The following ATP8A2 variants were observed in gnomAD, a reference collection of about 807,000 sequenced individuals.
ATP8A2 encodes the protein phospholipid-transporting ATPase IB.
In ATP8A2, 100 loss-of-function variants were observed where a neutral mutation model predicts 165.6. The observed-to-expected ratio is 0.60, with a 90% confidence interval of 0.51 to 0.71. The LOEUF (loss-of-function observed/expected upper bound fraction) is 0.71. ATP8A2 is among the 30% of genes least tolerant of loss of function. The pLI is 0.00. For synonymous variants in ATP8A2, 543 were observed against 548.8 expected (o/e 0.99, Z 0.15); for missense variants, 1,227 against 1,479.5 (o/e 0.83, Z 2.80).
chr13:25,791,542 T>TACACACACACACACACACACACACACAC (rs55661899), intron 27 of ATP8A2, among the ~76,000 whole-genome samples: 1 of 142,982 alleles, frequency 7.0e-6, no homozygotes, highest in African/African-American at 2.6e-5. Context: ...CACACACACA[T>TACACACACACACACACACACACACACAC]ACACACACAC....
At chr13:25,873,596 T>C (rs1432781333) in intron 33 of ATP8A2, among the ~76,000 whole-genome samples, 1 of 152,300 alleles carries the variant, frequency 6.6e-6, no homozygotes, top group East Asian at 1.9e-4. Flanking sequence ...TCCCCTCTTA[T>C]TATGATGAAT....
chr13:25,548,906 C>T (rs2038733942), intron 10 of ATP8A2, among the ~76,000 whole-genome samples: 1 of 152,208 alleles, frequency 6.6e-6, no homozygotes, highest in Non-Finnish European at 1.5e-5. Flanking sequence ...ATAACAATTT[C>T]AGTGATGTGG....
chr13:25,507,455 AG>A (rs2037085945), intron 2 of ATP8A2, among the ~76,000 whole-genome samples: 2 of 151,714 alleles, frequency 1.3e-5, no homozygotes, highest in South Asian at 4.2e-4. Flanking sequence ...TAGTAGAGAG[AG>A]GGTTTCACCA....
intron 25 of ATP8A2, among the ~76,000 whole-genome samples, chr13:25,766,726 C>T (rs772715052): frequency 6.6e-6 from 1 of 152,220 alleles, no homozygotes; most frequent in African/African-American, 2.4e-5. Flanking sequence ...AAAAAAATTT[C>T]TGCTGCAGCA....
At chr13:26,004,164 AT>A (rs1326051376) in intron 35 of ATP8A2, among the ~76,000 whole-genome samples, 1 of 151,990 alleles carries the variant, frequency 6.6e-6, no homozygotes, top group African/African-American at 2.4e-5. Context: ...ATAGCATCCC[AT>A]TTACTTGTAT....
intron 24 of ATP8A2, among the ~76,000 whole-genome samples, chr13:25,682,145 T>G (rs1162383504): frequency 6.6e-6 from 1 of 152,184 alleles, no homozygotes; most frequent in Non-Finnish European, 1.5e-5. Context: ...TCTCTGTAAT[T>G]CAGACTCTTT....
intron 25 of ATP8A2, among the ~76,000 whole-genome samples, chr13:25,730,204 T>A (rs2043589995): frequency 6.6e-6 from 1 of 152,066 alleles, no homozygotes; most frequent in Non-Finnish European, 1.5e-5. Flanking sequence ...GTTGGGAGGA[T>A]TGCCTGAACT....
At chr13:25,717,329 G>A (rs1256764711) in intron 25 of ATP8A2, among the ~76,000 whole-genome samples, 2 of 150,978 alleles carry the variant, frequency 1.3e-5, no homozygotes, top group African/African-American at 4.9e-5. Flanking sequence ...TGGGATTTTG[G>A]TAGTTATGAT....
At chr13:25,925,607 A>G (rs997652521) in intron 33 of ATP8A2, among the ~76,000 whole-genome samples, 2 of 152,184 alleles carry the variant, frequency 1.3e-5, no homozygotes, top group East Asian at 3.8e-4. Flanking sequence ...TGAGAATGTA[A>G]TGAAATGCTT....
At chr13:25,658,471 T>C (rs1380943393) in intron 24 of ATP8A2, among the ~76,000 whole-genome samples, 2 of 152,060 alleles carry the variant, frequency 1.3e-5, no homozygotes. Flanking sequence ...AACCCCCGTC[T>C]CTACTAAAAA....
chr13:25,528,095 C>T (rs575006641), intron 2 of ATP8A2, among the ~76,000 whole-genome samples: 1 of 152,302 alleles, frequency 6.6e-6, no homozygotes, highest in South Asian at 2.1e-4. Flanking sequence ...CTATCACATA[C>T]ATGAGTTTTG....
chr13:25,531,519 C>G (rs2038112859), intron 4 of ATP8A2, among the ~76,000 whole-genome samples: 1 of 149,768 alleles, frequency 6.7e-6, no homozygotes, highest in Non-Finnish European at 1.5e-5. Flanking sequence ...ATCTTCCTCT[C>G]CTCCCTTACA....
chr13:25,516,330 G>T (rs372092275), intron 2 of ATP8A2, among the ~76,000 whole-genome samples: 21 of 152,208 alleles, frequency 1.4e-4, no homozygotes, highest in Admixed American at 1.2e-3. Context: ...ATGGGTTTAG[G>T]CCCTTGCCTT....
intron 1 of ATP8A2, among the ~76,000 whole-genome samples, chr13:25,420,319 G>A (rs893001832): frequency 2.0e-5 from 3 of 152,214 alleles, no homozygotes; most frequent in South Asian, 2.1e-4. Flanking sequence ...GTGGCACAGC[G>A]GGGCTCCGTG....
intron 24 of ATP8A2, among the ~76,000 whole-genome samples, chr13:25,658,735 C>T (rs1776739035): frequency 6.6e-6 from 1 of 152,210 alleles, no homozygotes; most frequent in South Asian, 2.1e-4. Flanking sequence ...CCTCTGCTTT[C>T]AGACACTGCC....
chr13:25,542,116 T>C, intron 9 of ATP8A2, 70 bp downstream of exon 9: 1 of 1,445,532 alleles, frequency 6.9e-7, no homozygotes. Context: ...TTGGAAAATA[T>C]GTTTGTTTCC....
intron 2 of ATP8A2, among the ~76,000 whole-genome samples, chr13:25,505,858 C>G (rs1028992886): frequency 6.6e-6 from 1 of 152,106 alleles, no homozygotes; most frequent in African/African-American, 2.4e-5. Context: ...TTTATATTCT[C>G]CTATACAGGC....
chr13:25,429,439 C>T (rs2034543613), intron 1 of ATP8A2, among the ~76,000 whole-genome samples: 1 of 151,414 alleles, frequency 6.6e-6, no homozygotes, highest in South Asian at 2.1e-4. Flanking sequence ...AAGGACTCTC[C>T]GAATTCTGGG....
chr13:25,440,393 G>A (rs1278991112), intron 1 of ATP8A2, among the ~76,000 whole-genome samples: 2 of 151,768 alleles, frequency 1.3e-5, no homozygotes, highest in Admixed American at 6.6e-5. Context: ...GCTCCCCCTC[G>A]TCCTGTATAA....
Sources: gnomAD v4.1 joint callset for allele counts (sites outside exome capture counted in the v4.1 genomes callset) on GRCh38, gnomAD v4.1.1 for gene constraint, MANE v1.5 for transcripts, NCBI Gene and HGNC (gene_info 2026-07-23, HGNC 2026-07-21) for gene names.